Variants in ATRNL1 observed in about 807,000 individuals in gnomAD.
The protein encoded by ATRNL1 is attractin like 1.
Under a neutral mutation model 182.7 loss-of-function variants are expected in ATRNL1, and 95 were observed. The ratio of observed to expected loss-of-function variants is 0.52; its 90% CI spans 0.44 to 0.62. ATRNL1 has a LOEUF of 0.62. ATRNL1 is among the 20% of genes least tolerant of loss of function. The pLI is 0.00. For synonymous variants in ATRNL1, 576 were observed against 568.3 expected, an observed-to-expected ratio of 1.01 and a Z score of -0.19; for missense variants, 1,471 against 1,679.5, an observed-to-expected ratio of 0.88 and a Z score of 2.17.
chr10:115,353,775 A>G (rs113986503), intron 19 of ATRNL1, among the ~76,000 whole-genome samples: 1,874 of 152,226 alleles, frequency 0.012, 14 homozygotes, highest in South Asian at 0.033. Flanking sequence ...AAAATATTTT[A>G]TAGCTAACAA....
rs1185815693 is a variant in ATRNL1 at position 115,223,887 on chromosome 10, A to ATGTGTGTGTG, written c.1532+8025_1532+8034dup. Among the ~76,000 whole-genome samples, 55 of 80,106 alleles carry ATGTGTGTGTG rather than the reference A, an allele frequency of 6.9e-4. 3 individuals carry two copies. In the South Asian group the frequency reaches 0.016, roughly 23 times the overall value. The allele number at this position is 80,106 out of a possible 152,430, so 52.6% of individuals were successfully genotyped here. On this transcript the variant is annotated intron_variant, in intron 9 of 28. Coordinates refer to ENST00000355044, the MANE Select transcript of ATRNL1 (RefSeq NM_207303.4). ...TATATAACATATGTGTATTTAATAT[A>ATGTGTGTGTG]TGTGTGTGTGTGTGTGTGTGTGTGT...
chr10:115,877,786 C>T (rs1951732774), intron 28 of ATRNL1, among the ~76,000 whole-genome samples: 2 of 152,142 alleles, frequency 1.3e-5, no homozygotes, highest in Non-Finnish European at 2.9e-5. Flanking sequence ...AGGGACTTGG[C>T]AATATTTTTT....
intron 27 of ATRNL1, among the ~76,000 whole-genome samples, chr10:115,805,002 T>C (rs915993796): frequency 1.2e-4 from 19 of 152,186 alleles, no homozygotes; most frequent in Non-Finnish European, 5.9e-5. Context: ...CATTTGTGTA[T>C]TGAGTGGGTG....
chr10:115,917,158 TC>T (rs1555117513), intron 28 of ATRNL1, among the ~76,000 whole-genome samples: 2 of 152,102 alleles, frequency 1.3e-5, no homozygotes, highest in Non-Finnish European at 2.9e-5. Flanking sequence ...ACTCTCTGGA[TC>T]CTGACTTTCT....
intron 26 of ATRNL1, among the ~76,000 whole-genome samples, chr10:115,670,362 A>G (rs1032178273): frequency 1.3e-5 from 2 of 152,112 alleles, no homozygotes; most frequent in African/African-American, 4.8e-5. Flanking sequence ...ATTGTTATTA[A>G]TGTATTTCAT....
intron 28 of ATRNL1, among the ~76,000 whole-genome samples, chr10:115,908,027 A>G (rs887739453): frequency 1.3e-5 from 2 of 152,154 alleles, no homozygotes; most frequent in Non-Finnish European, 2.9e-5. Flanking sequence ...AAATTCCTGA[A>G]TTATTTCTAA....
intron 26 of ATRNL1, among the ~76,000 whole-genome samples, chr10:115,611,054 C>CTTATTT (rs1857128737): frequency 6.8e-6 from 1 of 147,050 alleles, no homozygotes; most frequent in African/African-American, 2.5e-5. Context: ...TTTCAAAGGA[C>CTTATTT]TTTTTTTTTT....
chr10:115,147,180 A>G (rs1254602411), intron 5 of ATRNL1, among the ~76,000 whole-genome samples: 1 of 152,070 alleles, frequency 6.6e-6, no homozygotes, highest in East Asian at 1.9e-4. Flanking sequence ...AACTAAGATG[A>G]TATCTCATTG....
intron 20 of ATRNL1, among the ~76,000 whole-genome samples, chr10:115,404,954 G>A (rs1341554854): frequency 2.6e-5 from 4 of 151,628 alleles, no homozygotes; most frequent in African/African-American, 9.7e-5. Context: ...AACTCTAGAT[G>A]GTCAGAATGG....
Position 115,561,704 on chromosome 10 carries a change from G to GTGTGTGTGTGTGTGTGT in ATRNL1, c.3795+12168_3795+12169insTGTGTGTGTGTGTGTGT, listed in dbSNP as rs1554999746. On this transcript the variant is annotated intron_variant, in intron 26 of 28. Coordinates refer to ENST00000355044, the MANE Select transcript of ATRNL1 (RefSeq NM_207303.4). ...GTGTGTGTGTGGGTGTGTGTGTGTGGGTGTGTGTGTGTGTGTGTGTTTGTG... is the reference window on the plus strand; with the variant it reads ...GTGTGTGTGTGGGTGTGTGTGTGTGGTGTGTGTGTGTGTGTGTGTGTGTGTGTGTGTGTGTGTTTGTG... Among the ~76,000 whole-genome samples, 822 of 145,026 alleles carry GTGTGTGTGTGTGTGTGT rather than the reference G, an allele frequency of 5.7e-3. 16 individuals are homozygous for GTGTGTGTGTGTGTGTGT. The highest frequency in any genetic ancestry group is 0.02 in the African/African-American group (752 of 38,530).
intron 28 of ATRNL1, among the ~76,000 whole-genome samples, chr10:115,871,131 T>A (rs1951569424): frequency 1.3e-5 from 2 of 152,128 alleles, no homozygotes; most frequent in African/African-American, 4.8e-5. Context: ...TTCTTTTTTT[T>A]ATCATGATTG....
intron 26 of ATRNL1, among the ~76,000 whole-genome samples, chr10:115,676,038 T>C (rs1315819656): frequency 2.6e-5 from 4 of 151,976 alleles, no homozygotes; most frequent in African/African-American, 9.7e-5. Flanking sequence ...TCAATCTATC[T>C]GGAAAGAAAA....
At chr10:115,869,500 CA>C (rs1951526466) in intron 28 of ATRNL1, among the ~76,000 whole-genome samples, 1 of 152,068 alleles carries the variant, frequency 6.6e-6, no homozygotes, top group East Asian at 1.9e-4. Flanking sequence ...GAAGAGGGGC[CA>C]GGGGTGTTGG....
In ATRNL1 at chr10:115,549,595, A is replaced by G. The variant is rs1372126377; in HGVS notation, c.3795+59A>G. ...GATTTAAGCAAATATATGGATCTCTATTGTCTGTTAATTACCATGCTCTCT... is the reference window on the plus strand; with the variant it reads ...GATTTAAGCAAATATATGGATCTCTGTTGTCTGTTAATTACCATGCTCTCT... On this transcript the variant is annotated intron_variant, in intron 26 of 28. Coordinates refer to ENST00000355044, the MANE Select transcript of ATRNL1 (RefSeq NM_207303.4). The G allele has an allele frequency of 4.3e-6, 5 of 1,169,526 alleles. No individual in the cohort carries two copies. The East Asian group carries it at 7.9e-5, about 18-fold the overall frequency. 72.4% of individuals were successfully genotyped at this position (1,169,526 alleles called of 1,614,324 possible).
intron 24 of ATRNL1, among the ~76,000 whole-genome samples, chr10:115,471,946 G>A (rs531323007): frequency 6.6e-6 from 1 of 150,776 alleles, no homozygotes; most frequent in East Asian, 1.9e-4. Context: ...AAGGAGCTTA[G>A]TCCCTTTATT....
chr10:115,644,165 A>G (rs546859770), intron 26 of ATRNL1, among the ~76,000 whole-genome samples: 1 of 152,322 alleles, frequency 6.6e-6, no homozygotes, highest in East Asian at 1.9e-4. Context: ...AACAGCGTGG[A>G]TGAATCTCAA....
At chr10:115,653,061 T>C (rs1860112667) in intron 26 of ATRNL1, among the ~76,000 whole-genome samples, 1 of 152,128 alleles carries the variant, frequency 6.6e-6, no homozygotes, top group African/African-American at 2.4e-5. Context: ...ACTAAATCAA[T>C]AGGTAATCTA....
chr10:115,615,787 A>G (rs1238072602), intron 26 of ATRNL1, among the ~76,000 whole-genome samples: 6 of 152,214 alleles, frequency 3.9e-5, no homozygotes, highest in African/African-American at 1.4e-4. Flanking sequence ...AGCCAAGCAG[A>G]TGCTGCCAGT....
intron 3 of ATRNL1, among the ~76,000 whole-genome samples, chr10:115,126,262 G>C (rs1045562326): frequency 1.3e-5 from 2 of 152,132 alleles, no homozygotes; most frequent in Admixed American, 6.5e-5. Context: ...GTTTCACTGT[G>C]TTGGCCAGGA....
Sources: gnomAD v4.1 joint callset for allele counts (sites outside exome capture counted in the v4.1 genomes callset) on GRCh38, gnomAD v4.1.1 for gene constraint, MANE v1.5 for transcripts, NCBI Gene and HGNC (gene_info 2026-07-23, HGNC 2026-07-21) for gene names.